ITGB2: variants seen among roughly 807,000 people sequenced by gnomAD.
ITGB2 encodes the protein integrin beta-2.
ITGB2 carries 56 observed loss-of-function variants against 86.8 expected under a neutral mutation model. The ratio of observed to expected loss-of-function variants is 0.65; its 90% CI spans 0.52 to 0.81. The LOEUF (loss-of-function observed/expected upper bound fraction) is 0.81, where lower values mean the gene tolerates loss of function less well. Among genes scored for constraint, ITGB2 ranks in the 30% least tolerant of loss-of-function variants. The pLI is 0.00. For synonymous variants in ITGB2, 457 were observed against 450.4 expected (o/e 1.01, Z -0.19); for missense variants, 948 against 1,061.2 (o/e 0.89, Z 1.48).
chr21:44,922,365 A>T (rs1376133807), upstream of ITGB2, among the ~76,000 whole-genome samples: 2 of 152,168 alleles, frequency 1.3e-5, no homozygotes, highest in Non-Finnish European at 2.9e-5. Context: ...CTGAAAAAAA[A>T]TATGACAAAT....
intron 1 of ITGB2, among the ~76,000 whole-genome samples, chr21:44,927,184 G>T (rs2084383039): frequency 6.6e-6 from 1 of 152,206 alleles, no homozygotes. Flanking sequence ...AGTTTCCACG[G>T]AGGAGACCCC....
In ITGB2 at chr21:44,889,508, G is replaced by A. The variant is rs1274975486; in HGVS notation, c.1658-13C>T. 1 of 1,552,564 alleles carries A rather than the reference G, an allele frequency of 6.4e-7. No individual in the cohort carries two copies. Among genetic ancestry groups the A allele is most frequent in the African/African-American group, 1.4e-5 (1 of 73,296 alleles). On this transcript the variant is annotated splice_polypyrimidine_tract_variant and intron_variant, in intron 12 of 15. Transcript: ENST00000652462. Reference sequence around the variant, plus strand: ...CAGAGCCCCCTCCCTGGAAGACGGGGCAGCACGGCTAAGCTCCTGCTTGGC... The same window carrying A: ...CAGAGCCCCCTCCCTGGAAGACGGGACAGCACGGCTAAGCTCCTGCTTGGC...
At chr21:44,891,474 G>A (rs1053581588) in intron 11 of ITGB2, among the ~76,000 whole-genome samples, 19 of 152,234 alleles carry the variant, frequency 1.2e-4, no homozygotes, top group South Asian at 4.1e-4. Flanking sequence ...CACGCCCAGC[G>A]GGGACTCCTT....
chr21:44,888,980 AGG>A, intron 13 of ITGB2, 85 bp from the exon 14 acceptor site: 1 of 862,358 alleles, frequency 1.2e-6, no homozygotes, highest in Non-Finnish European at 1.7e-6. Context: ...TGTGTCCACC[AGG>A]GGGGGCAGGT....
intron 5 of ITGB2, among the ~76,000 whole-genome samples, chr21:44,902,442 C>T (rs1177238320): frequency 4.8e-5 from 7 of 144,624 alleles, no homozygotes; most frequent in African/African-American, 7.8e-5. Context: ...CATGCATTTG[C>T]GTGTGAGCAT....
intron 8 of ITGB2, among the ~76,000 whole-genome samples, chr21:44,896,664 C>T (rs1017720630): frequency 2.0e-5 from 3 of 152,232 alleles, no homozygotes; most frequent in Admixed American, 6.5e-5. Context: ...CTTGGGAGAG[C>T]TGGGCCCTCC....
chr21:44,916,833 A>T (rs2084218872), intron 1 of ITGB2, among the ~76,000 whole-genome samples: 1 of 150,960 alleles, frequency 6.6e-6, no homozygotes, highest in Non-Finnish European at 1.5e-5. Flanking sequence ...TCACCTCTGC[A>T]CTCCAGCCTG....
chr21:44,918,963 TGAGCG>T (rs2084251992), intron 1 of ITGB2, among the ~76,000 whole-genome samples: 1 of 152,022 alleles, frequency 6.6e-6, no homozygotes, highest in Non-Finnish European at 1.5e-5. Flanking sequence ...CACTCGGAGC[TGAGCG>T]TCCCCTCTCC....
rs80104949 is a variant in ITGB2 at position 44,894,612 on chromosome 21, C to T, written c.1083+359G>A. The T allele has an allele frequency of 4.0e-3, 1,448 of 359,482 alleles. 27 individuals are homozygous for T. Among genetic ancestry groups the T allele is most frequent in the African/African-American group, 0.029 (1,361 of 47,550 alleles). The allele number at this position is 359,482 out of a possible 1,614,324, so 22.3% of individuals were successfully genotyped here. A position where few individuals can be genotyped will look rare whatever the true frequency, so the allele number is the denominator to read the frequency against. ...AGGGTGTCTTCCCAGGGCCCAAGTC[C>T]ACTGTGGGGGTTTCCTGTGGCCTCC... On this transcript the variant is annotated intron_variant, in intron 9 of 15. Transcript: ENST00000652462.
At chr21:44,916,712 A>G (rs1978737735) in intron 1 of ITGB2, among the ~76,000 whole-genome samples, 1 of 151,946 alleles carries the variant, frequency 6.6e-6, no homozygotes, top group South Asian at 2.1e-4. Context: ...TACTAAAAAT[A>G]CATAAATTAG....
chr21:44,918,306 C>T (rs1249087625), intron 1 of ITGB2, among the ~76,000 whole-genome samples: 1 of 152,246 alleles, frequency 6.6e-6, no homozygotes, highest in African/African-American at 2.4e-5. Flanking sequence ...GGGGCCCACA[C>T]AGGACCTGTT....
chr21:44,902,091 C>T (rs777336054), intron 5 of ITGB2, among the ~76,000 whole-genome samples: 10 of 152,174 alleles, frequency 6.6e-5, no homozygotes, highest in South Asian at 2.1e-4. Context: ...TGTGTACATG[C>T]GTAGCACAAC....
At chr21:44,919,120 C>T (rs145688156) in intron 1 of ITGB2, among the ~76,000 whole-genome samples, 4,157 of 151,776 alleles carry the variant, frequency 0.027, 198 homozygotes, top group African/African-American at 0.094. Flanking sequence ...ACAGCCCGCC[C>T]GGTCACCTGC....
At chr21:44,922,613 C>T (rs118132412), upstream of ITGB2, among the ~76,000 whole-genome samples, 536 of 139,350 alleles carry the variant, frequency 3.8e-3, 4 homozygotes, top group East Asian at 0.044. Flanking sequence ...GTTGAGGCTA[C>T]GGTGAACCAT....
upstream of ITGB2, among the ~76,000 whole-genome samples, chr21:44,925,629 A>T (rs1170502957): frequency 1.3e-5 from 2 of 152,216 alleles, no homozygotes; most frequent in Non-Finnish European, 2.9e-5. Context: ...TAGAATCCAG[A>T]GTCTTATTAA....
rs1158126815 is a variant in ITGB2 at position 44,891,873 on chromosome 21, G to A, written c.1348C>T (p.Arg450Trp). 9.9e-6 allele frequency: 16 copies of A among 1,612,260 alleles called. No individual in the cohort carries two copies. Among genetic ancestry groups the A allele is most frequent in the East Asian group, 4.5e-5 (2 of 44,896 alleles). The change falls in exon 11 of 16, where the codon CGG becomes TGG. Residue 450 changes from arginine (R) to tryptophan (W), a missense_variant. By Grantham distance (101) the Arg-to-Trp change is moderately radical. Coordinates refer to ENST00000652462, the MANE Select transcript of ITGB2 (RefSeq NM_000211.5). ...QVLPQCECRCRDQSRDRSLCH... is the reference protein window; with the variant it reads ...QVLPQCECRCWDQSRDRSLCH... Reference sequence around the variant, plus strand: ...AGGCTGCGGTCTCTGCTCTGGTCCCGGCACCGGCACTCACACTGGGGAAGA... The same window carrying A: ...AGGCTGCGGTCTCTGCTCTGGTCCCAGCACCGGCACTCACACTGGGGAAGA...
At chr21:44,916,833 A>C (rs2084218872) in intron 1 of ITGB2, among the ~76,000 whole-genome samples, 1 of 150,960 alleles carries the variant, frequency 6.6e-6, no homozygotes. Context: ...TCACCTCTGC[A>C]CTCCAGCCTG....
At chr21:44,904,860 TCACA>T (rs375768805) in intron 4 of ITGB2, among the ~76,000 whole-genome samples, 1 of 150,382 alleles carries the variant, frequency 6.6e-6, no homozygotes, top group Non-Finnish European at 1.5e-5. Context: ...ACACATGCGC[TCACA>T]CACACACACA....
In ITGB2 at chr21:44,907,003, G is replaced by T; in HGVS notation, c.240C>A (p.Asp80Glu). The part of the protein sequence containing the change: ...MRGCAADDIM[D>E]PTSLAETQED... ...CCTGGGTTTCAGCGAGGCTTGTGGG[G>T]TCCATGATGTCGTCAGCCGCACAGC... Residue 80 changes from aspartate (D) to glutamate (E), a missense_variant, in exon 4 of 16, where the codon GAC becomes GAA. Coordinates refer to ENST00000652462, the MANE Select transcript of ITGB2 (RefSeq NM_000211.5). 2 of 1,614,178 alleles carry T rather than the reference G, an allele frequency of 1.2e-6. No homozygotes were observed. Among genetic ancestry groups the T allele is most frequent in the Non-Finnish European group, 1.7e-6 (2 of 1,180,018 alleles).
Sources: allele counts gnomAD v4.1 joint callset (sites outside exome capture counted in the v4.1 genomes callset), GRCh38; gene constraint gnomAD v4.1.1; transcripts MANE v1.5; gene names NCBI Gene and HGNC (gene_info 2026-07-23, HGNC 2026-07-21).